Variants in LACTB observed in about 807,000 individuals in gnomAD.
The protein encoded by LACTB is serine beta-lactamase-like protein LACTB, mitochondrial.
In LACTB, 35 loss-of-function variants were observed where a neutral mutation model predicts 50.2. That is an observed-to-expected ratio of 0.70 (90% CI 0.53 to 0.92). The LOEUF is 0.92. LACTB is among the 40% of genes least tolerant of loss of function. The probability of loss-of-function intolerance (pLI) is 0.00; values close to 1 mark genes in which losing one functional copy is unlikely to be tolerated. For synonymous variants in LACTB, 252 were observed against 268.2 expected, an observed-to-expected ratio of 0.94 and a Z score of 0.59; for missense variants, 664 against 691.8, an observed-to-expected ratio of 0.96 and a Z score of 0.45.
At chr15:63,140,955 C>G in intron 5 of LACTB, 4 of 959,756 alleles carry the variant, frequency 4.2e-6, no homozygotes, top group Non-Finnish European at 5.0e-6. Flanking sequence ...TCCATATGCA[C>G]AGGGCAAATA....
Position 63,141,363 on chromosome 15 carries a change from T to C in LACTB, c.1202T>C (p.Leu401Pro). ...TATAAATGGGCTGGTGGTGGATTTC[T>C]GTCTACAGTGGGTGACCTTCTGAAA... ...NSYKWAGGGF[L>P]STVGDLLKFG... The change falls in exon 6 of 6, where the codon CTG becomes CCG. Residue 401 changes from leucine (L) to proline (P), a missense_variant. Leu to Pro is a moderately conservative substitution (Grantham distance 98). Transcript: ENST00000261893. 1 of 1,614,256 alleles carries C rather than the reference T, an allele frequency of 6.2e-7. No individual in the cohort carries two copies. Among genetic ancestry groups the C allele is most frequent in the East Asian group, 2.2e-5 (1 of 44,890 alleles).
At chr15:63,127,213 T>C in intron 3 of LACTB, 140 bp from the exon 4 acceptor site, 2 of 949,052 alleles carry the variant, frequency 2.1e-6, no homozygotes, top group Non-Finnish European at 3.1e-6. Context: ...TTTCTGAAAT[T>C]TGAGGCTAAG....
At chr15:63,134,511 G>T (rs979443667) in intron 5 of LACTB, among the ~76,000 whole-genome samples, 1 of 152,088 alleles carries the variant, frequency 6.6e-6, no homozygotes, top group African/African-American at 2.4e-5. Context: ...CCCTGCAGGT[G>T]CCCCAGCCTC....
intron 5 of LACTB, 68 bp from the exon 6 acceptor site, chr15:63,141,212 T>A (rs535263793): frequency 5.3e-6 from 8 of 1,503,390 alleles, no homozygotes; most frequent in Non-Finnish European, 5.3e-6. Context: ...ATGTATACAT[T>A]TTTCTATCAT....
At chr15:63,123,277 A>G (rs1006749777) in intron 2 of LACTB, among the ~76,000 whole-genome samples, 2 of 152,264 alleles carry the variant, frequency 1.3e-5, no homozygotes, top group African/African-American at 4.8e-5. Context: ...ACTACTGTGT[A>G]GAACAATCCA....
At chr15:63,123,689 T>A (rs1042258653) in intron 2 of LACTB, among the ~76,000 whole-genome samples, 3 of 152,188 alleles carry the variant, frequency 2.0e-5, no homozygotes, top group African/African-American at 7.2e-5. Context: ...ACGTGTCCAC[T>A]GGACAGGGGG....
chr15:63,124,136 G>T (rs10851723), intron 2 of LACTB, among the ~76,000 whole-genome samples: 111,542 of 152,122 alleles, frequency 0.73, 41,495 homozygotes, highest in East Asian at 0.98. Context: ...AGTCCTTCTG[G>T]TGGCCCTGTC....
chr15:63,122,370 C>A, intron 1 of LACTB, 142 bp downstream of exon 1: 1 of 802,830 alleles, frequency 1.2e-6, no homozygotes, highest in Non-Finnish European at 1.9e-6. Context: ...TCCCCACCGC[C>A]GAGCCGTGGT....
At chr15:63,131,378 A>T (rs1464496971) in intron 5 of LACTB, 1 of 152,246 alleles carries the variant, frequency 6.6e-6, no homozygotes, top group East Asian at 1.9e-4. Flanking sequence ...AATGAGTTAT[A>T]ATCTGTCACT....
In LACTB at chr15:63,142,034, T is replaced by C; in HGVS notation, c.*229T>C. Reference sequence around the variant, plus strand: ...TTTACTTTTTGAAAAAAGTGTTAACTCTTGAAATAAAATATTCTGATAAAA... The same window carrying C: ...TTTACTTTTTGAAAAAAGTGTTAACCCTTGAAATAAAATATTCTGATAAAA... On this transcript the variant is annotated 3_prime_UTR_variant, in exon 6 of 6. Transcript: ENST00000261893. 1 of 442,404 alleles carries C rather than the reference T, an allele frequency of 2.3e-6. No individual in the cohort carries two copies. The highest frequency in any genetic ancestry group is 3.4e-5 in the East Asian group (1 of 29,648). The allele number at this position is 442,404 out of a possible 1,614,324, so 27.4% of individuals were successfully genotyped here. A position where few individuals can be genotyped will look rare whatever the true frequency, so the allele number is the denominator to read the frequency against.
At chr15:63,137,183 T>TATACTG (rs1202321405) in intron 5 of LACTB, among the ~76,000 whole-genome samples, 1 of 152,228 alleles carries the variant, frequency 6.6e-6, no homozygotes, top group Non-Finnish European at 1.5e-5. Context: ...GGCACATAAC[T>TATACTG]ATACTGATTC....
chr15:63,141,127 A>C (rs1415691244), intron 5 of LACTB, 153 bp from the exon 6 acceptor site: 3 of 982,434 alleles, frequency 3.1e-6, no homozygotes, highest in Non-Finnish European at 3.6e-6. Flanking sequence ...TAGGACCTGA[A>C]TCATACTGAA....
Position 63,127,020 on chromosome 15 carries a change from T to C in LACTB, c.586T>C (p.Phe196Leu). 1 of 1,608,534 alleles carries C rather than the reference T, an allele frequency of 6.2e-7. No individual in the cohort carries two copies. The highest frequency in any genetic ancestry group is 8.5e-7 in the Non-Finnish European group (1 of 1,177,134). ...TCCAGTACAACATTATGTTCCCGAA[T>C]TCCCAGAAAAAGAATATGAAGGTGA... The part of the protein sequence containing the change: ...DIPVQHYVPE[F>L]PEKEYEGEKV... The change falls in exon 3 of 6, where the codon TTC becomes CTC. Residue 196 changes from phenylalanine to leucine, a missense_variant. Coordinates refer to ENST00000261893, the MANE Select transcript of LACTB (RefSeq NM_032857.5).
intron 2 of LACTB, among the ~76,000 whole-genome samples, chr15:63,124,107 C>T (rs1016618033): frequency 6.6e-6 from 1 of 152,196 alleles, no homozygotes; most frequent in Non-Finnish European, 1.5e-5. Flanking sequence ...TAGATGCTGG[C>T]GTTACCGCTA....
chr15:63,128,423 C>T (rs764759981), intron 4 of LACTB, among the ~76,000 whole-genome samples: 26 of 152,174 alleles, frequency 1.7e-4, no homozygotes, highest in Middle Eastern at 3.4e-3. Flanking sequence ...AAAGCAAGGC[C>T]CTGTTTCTCC....
chr15:63,138,783 T>A (rs960892507), intron 5 of LACTB, among the ~76,000 whole-genome samples: 1 of 152,134 alleles, frequency 6.6e-6, no homozygotes, highest in African/African-American at 2.4e-5. Context: ...CTTACACCTG[T>A]AATCCTAGCA....
chr15:63,134,482 A>C (rs968531696), intron 5 of LACTB, among the ~76,000 whole-genome samples: 12 of 152,200 alleles, frequency 7.9e-5, no homozygotes, highest in African/African-American at 2.6e-4. Context: ...CTGTCTGTAC[A>C]CCTGAAGCTC....
Position 63,122,111 on chromosome 15 carries a change from C to T in LACTB, c.240C>T (p.Ala80=). ...AAPDPEASPL[A]EPPQEQSLAP... is the part of the protein sequence containing the mutation. Reference sequence around the variant, plus strand: ...CCGACCCTGAGGCGTCGCCTCTGGCCGAGCCGCCACAGGAGCAGTCCCTCG... The same window carrying T: ...CCGACCCTGAGGCGTCGCCTCTGGCTGAGCCGCCACAGGAGCAGTCCCTCG... Residue 80 remains alanine (A), a synonymous_variant, in exon 1 of 6, where the codon GCC becomes GCT. Coordinates refer to ENST00000261893, the MANE Select transcript of LACTB (RefSeq NM_032857.5). 1 of 1,479,650 alleles carries T rather than the reference C, an allele frequency of 6.8e-7. No homozygotes were observed. Among genetic ancestry groups the T allele is most frequent in the East Asian group, 2.9e-5 (1 of 35,048 alleles). The allele number at this position is 1,479,650 out of a possible 1,614,324, so 91.7% of individuals were successfully genotyped here. A position where few individuals can be genotyped will look rare whatever the true frequency, so the allele number is the denominator to read the frequency against.
At chr15:63,131,339 G>T (rs555928101) in intron 5 of LACTB, 8 of 152,192 alleles carry the variant, frequency 5.3e-5, no homozygotes, top group Admixed American at 3.9e-4. Flanking sequence ...ATTCATACCA[G>T]TATGCACTCA....
Sources: allele counts gnomAD v4.1 joint callset (sites outside exome capture counted in the v4.1 genomes callset), GRCh38; gene constraint gnomAD v4.1.1; transcripts MANE v1.5; gene names NCBI Gene and HGNC (gene_info 2026-07-23, HGNC 2026-07-21).